The following ZNF407 variants were observed in gnomAD, a reference collection of about 807,000 sequenced individuals.
The protein encoded by ZNF407 is zinc finger protein 407.
ZNF407 carries 17 observed loss-of-function variants against 131.2 expected under a neutral mutation model. The observed-to-expected ratio is 0.13, with a 90% CI of 0.09 to 0.19. The LOEUF is 0.19. ZNF407 is among the 10% of genes least tolerant of loss of function. ZNF407 has a pLI of 1.00. For synonymous variants in ZNF407, 1,156 were observed against 1,062.0 expected (o/e 1.09, Z -1.72); for missense variants, 2,681 against 2,830.6 (o/e 0.95, Z 1.20).
At chr18:74,697,510 T>A (rs1392950852) in intron 3 of ZNF407, among the ~76,000 whole-genome samples, 1 of 152,182 alleles carries the variant, frequency 6.6e-6, no homozygotes, top group Non-Finnish European at 1.5e-5. Context: ...TAAATTTTAA[T>A]GTCAAATTTA....
chr18:74,843,023 G>A (rs1400781021), intron 4 of ZNF407, among the ~76,000 whole-genome samples: 1 of 152,050 alleles, frequency 6.6e-6, no homozygotes, highest in Non-Finnish European at 1.5e-5. Flanking sequence ...GCCCTTCTGT[G>A]TTATTTAATA....
In ZNF407 at chr18:75,012,507, C is replaced by T. The variant is rs564475320; in HGVS notation, c.5429-50643C>T. ...CCAAATATTTTCTTTTCCAGTGTTA[C>T]TACACTTTGCCAACGACTCATAGAC... On this transcript the variant is annotated intron_variant, in intron 8 of 8. Coordinates refer to ENST00000299687, the MANE Select transcript of ZNF407 (RefSeq NM_017757.3). Among the ~76,000 whole-genome samples the T allele has an allele frequency of 6.6e-5, 10 of 152,198 alleles. No individual in the cohort carries two copies. The South Asian group carries it at 2.1e-3, about 32-fold the overall frequency.
At position 74,616,998 on chromosome 18, in the gene ZNF407, C is replaced by T. The variant is rs1983329020; in HGVS notation, c.-53-13969C>T. On this transcript the variant is annotated intron_variant, in intron 1 of 8. Coordinates refer to ENST00000299687, the MANE Select transcript of ZNF407 (RefSeq NM_017757.3). ...CACACATCCATATCCACGCACCACACGCATCCATATCCACACACCACACAT... is the reference window on the plus strand; with the variant it reads ...CACACATCCATATCCACGCACCACATGCATCCATATCCACACACCACACAT... Among the ~76,000 whole-genome samples the T allele has an allele frequency of 3.6e-4, 41 of 113,502 alleles. No homozygotes were observed. In the East Asian group the frequency reaches 4.6e-3, roughly 13 times the overall value. 74.5% of individuals were successfully genotyped at this position (113,502 alleles called of 152,430 possible).
chr18:74,755,536 T>TCTCCCTTCCTCC lies in ZNF407; in HGVS notation c.4803-25886_4803-25885insTCCTCCCTCCCT, dbSNP rs1555684005. ...TATTTCATTGATGTATCTTTCCCTC[T>TCTCCCTTCCTCC]CTCCCTCCCTCCCTTCCTTCTTCCT... On this transcript the variant is annotated intron_variant, in intron 3 of 8. Coordinates refer to ENST00000299687, the MANE Select transcript of ZNF407 (RefSeq NM_017757.3). Among the ~76,000 whole-genome samples, 21 of 99,184 alleles carry TCTCCCTTCCTCC rather than the reference T, an allele frequency of 2.1e-4. 1 individual carries two copies. The East Asian group carries it at 5.4e-3, about 25-fold the overall frequency. The allele number at this position is 99,184 out of a possible 152,430, so 65.1% of individuals were successfully genotyped here. A position where few individuals can be genotyped will look rare whatever the true frequency, so the allele number is the denominator to read the frequency against.
chr18:74,724,229 A>G (rs957635671), intron 3 of ZNF407, among the ~76,000 whole-genome samples: 1 of 152,070 alleles, frequency 6.6e-6, no homozygotes, highest in Non-Finnish European at 1.5e-5. Flanking sequence ...ATAATTGTAC[A>G]TATTTGGGGA....
intron 4 of ZNF407, among the ~76,000 whole-genome samples, chr18:74,868,294 G>C (rs1461394115): frequency 1.3e-5 from 2 of 152,156 alleles, no homozygotes; most frequent in Non-Finnish European, 2.9e-5. Flanking sequence ...TGAGGGCATT[G>C]TTATAGGAGG....
intron 3 of ZNF407, among the ~76,000 whole-genome samples, chr18:74,680,620 T>A (rs1257947964): frequency 6.6e-6 from 1 of 152,148 alleles, no homozygotes; most frequent in Non-Finnish European, 1.5e-5. Flanking sequence ...TTAGGAGTGA[T>A]GGTTGAAGCT....
intron 8 of ZNF407, among the ~76,000 whole-genome samples, chr18:74,941,353 C>T (rs570249463): frequency 3.2e-4 from 48 of 152,272 alleles, no homozygotes; most frequent in African/African-American, 1.1e-3. Flanking sequence ...TGCTCACTCT[C>T]CCTTGGCTGT....
chr18:74,987,170 A>G (rs1221877607), intron 8 of ZNF407, among the ~76,000 whole-genome samples: 2 of 152,124 alleles, frequency 1.3e-5, no homozygotes, highest in African/African-American at 4.8e-5. Flanking sequence ...TGCATTGAGC[A>G]CTGGAAAGTT....
At chr18:74,832,021 C>T (rs1416995763) in intron 4 of ZNF407, among the ~76,000 whole-genome samples, 3 of 152,184 alleles carry the variant, frequency 2.0e-5, no homozygotes, top group Non-Finnish European at 4.4e-5. Context: ...GAAGCCTTGG[C>T]GCTGTGAAAA....
rs796617071 is a variant in ZNF407, at chr18:74,694,745, A to C, written c.4802+53623A>C. 1.6e-4 allele frequency among the ~76,000 whole-genome samples: 25 copies of C among 152,210 alleles called. 1 individual carries two copies. Among genetic ancestry groups the C allele is most frequent in the African/African-American group, 6.0e-4 (25 of 41,536 alleles). ...TTCTGTGCATTGTTCAATTTCTGAAAATAGTTGTTTGCTGTATTTTGTCCA... is the reference window on the plus strand; with the variant it reads ...TTCTGTGCATTGTTCAATTTCTGAACATAGTTGTTTGCTGTATTTTGTCCA... On this transcript the variant is annotated intron_variant, in intron 3 of 8. Transcript: ENST00000299687.
intron 3 of ZNF407, among the ~76,000 whole-genome samples, chr18:74,668,584 CT>C (rs2144746760): frequency 6.6e-6 from 1 of 152,270 alleles, no homozygotes; most frequent in Non-Finnish European, 1.5e-5. Context: ...GTTTTTCTTA[CT>C]GCTCCCAAAT....
At chr18:74,729,884 A>G (rs1240225602) in intron 3 of ZNF407, among the ~76,000 whole-genome samples, 1 of 152,240 alleles carries the variant, frequency 6.6e-6, no homozygotes, top group African/African-American at 2.4e-5. Context: ...CAATATAGAC[A>G]GAGGTAATTT....
At chr18:74,984,273 C>T (rs1350571117) in intron 8 of ZNF407, among the ~76,000 whole-genome samples, 2 of 152,098 alleles carry the variant, frequency 1.3e-5, no homozygotes, top group Non-Finnish European at 2.9e-5. Context: ...GCAAATGTTC[C>T]TGCCGCTGCT....
In ZNF407 at chr18:75,024,304, T is replaced by C. The variant is rs368496335; in HGVS notation, c.5429-38846T>C. Among the ~76,000 whole-genome samples, 16 of 152,316 alleles carry C rather than the reference T, an allele frequency of 1.1e-4. No individual in the cohort carries two copies. The East Asian group carries it at 1.7e-3, about 17-fold the overall frequency. On this transcript the variant is annotated intron_variant, in intron 8 of 8. Coordinates refer to ENST00000299687, the MANE Select transcript of ZNF407 (RefSeq NM_017757.3). Reference sequence around the variant, plus strand: ...TGATTAACTTACTCGCAGATACTGTTCCTTTATCATCTATGTCTGTTGATT... The same window carrying C: ...TGATTAACTTACTCGCAGATACTGTCCCTTTATCATCTATGTCTGTTGATT...
At position 74,913,451 on chromosome 18, in the gene ZNF407, G is replaced by A. The variant is rs563856240; in HGVS notation, c.5250-7063G>A. Among the ~76,000 whole-genome samples, 33 of 152,310 alleles carry A rather than the reference G, an allele frequency of 2.2e-4. No homozygotes were observed. In the East Asian group the frequency reaches 4.6e-3, roughly 21 times the overall value. ...CGTGCCCTTCGGTGTTCGATACGGC[G>A]AGGCCCCATGCTGTGCTGTTCCATG... On this transcript the variant is annotated intron_variant, in intron 7 of 8. Transcript: ENST00000299687.
chr18:74,853,550 T>C (rs1194750490), intron 4 of ZNF407, among the ~76,000 whole-genome samples: 1 of 152,224 alleles, frequency 6.6e-6, no homozygotes, highest in African/African-American at 2.4e-5. Context: ...TTCTTTTTCA[T>C]AAAGTTTTAA....
chr18:75,001,749 T>C (rs1026364917), intron 8 of ZNF407, among the ~76,000 whole-genome samples: 1 of 152,218 alleles, frequency 6.6e-6, no homozygotes, highest in Non-Finnish European at 1.5e-5. Flanking sequence ...GCATATTTTA[T>C]AAAGATGGAG....
chr18:74,649,352 T>G (rs1372652938), intron 3 of ZNF407, among the ~76,000 whole-genome samples: 1 of 152,194 alleles, frequency 6.6e-6, no homozygotes, highest in African/African-American at 2.4e-5. Flanking sequence ...CTCTAGTCTA[T>G]TTTAGAAGTG....
Sources: gnomAD v4.1 joint callset for allele counts (sites outside exome capture counted in the v4.1 genomes callset) on GRCh38, gnomAD v4.1.1 for gene constraint, MANE v1.5 for transcripts, NCBI Gene and HGNC (gene_info 2026-07-23, HGNC 2026-07-21) for gene names.